Variants in MAOA observed in about 807,000 individuals in gnomAD.
The protein encoded by MAOA is amine oxidase [flavin-containing] A.
In MAOA, 6 loss-of-function variants were observed where a neutral mutation model predicts 42.0. That is an observed-to-expected ratio of 0.14 (90% CI 0.08 to 0.28). MAOA has a LOEUF of 0.28. Ranked by LOEUF, MAOA falls within the 10% of genes least tolerant of loss-of-function variation. The pLI, the probability that MAOA is intolerant of heterozygous loss-of-function variation, is 1.00. For synonymous variants in MAOA, 140 were observed against 154.0 expected (o/e 0.91, Z 0.67); for missense variants, 262 against 422.3 (o/e 0.62, Z 3.33).
At chrX:43,733,015 C>T (rs1343678092) in intron 9 of MAOA, among the ~76,000 whole-genome samples, 1 of 112,076 alleles carries the variant, frequency 8.9e-6, no homozygotes, top group Non-Finnish European at 1.9e-5. Context: ...TGAACTTGTA[C>T]CCATGTATGT....
At chrX:43,706,918 T>C (rs1424787644) in intron 3 of MAOA, among the ~76,000 whole-genome samples, 2 of 111,945 alleles carry the variant, frequency 1.8e-5, no homozygotes, top group African/African-American at 6.5e-5. Context: ...CAGGCGCCCA[T>C]TGCATTGGTA....
intron 1 of MAOA, among the ~76,000 whole-genome samples, chrX:43,680,563 A>G (rs766602401): frequency 9.1e-6 from 1 of 109,334 alleles, no homozygotes; most frequent in South Asian, 4.0e-4. Context: ...ATCCCCTCCC[A>G]TTCCCTCTCC....
intron 9 of MAOA, among the ~76,000 whole-genome samples, chrX:43,733,479 C>CT (rs1306436623): frequency 1.8e-5 from 2 of 111,676 alleles, no homozygotes; most frequent in East Asian, 5.6e-4. Flanking sequence ...TCGTTGGGGG[C>CT]TGGGGAGTCC....
At chrX:43,719,099 G>A (rs1044619359) in intron 5 of MAOA, among the ~76,000 whole-genome samples, 9 of 111,132 alleles carry the variant, frequency 8.1e-5, no homozygotes, top group Non-Finnish European at 1.5e-4. Context: ...GACCCAAAGG[G>A]GAAAGGGGGA....
chrX:43,723,789 T>A (rs916806017), intron 5 of MAOA, among the ~76,000 whole-genome samples: 2 of 111,772 alleles, frequency 1.8e-5, no homozygotes, highest in Non-Finnish European at 3.8e-5. Flanking sequence ...CAGTTTTTGC[T>A]CATTCAGTAT....
chrX:43,715,234 G>A (rs1486834017), intron 5 of MAOA, among the ~76,000 whole-genome samples: 2 of 110,162 alleles, frequency 1.8e-5, no homozygotes. Flanking sequence ...ACTGGCAGTG[G>A]TAGGGGGGAG....
At chrX:43,658,024 T>C (rs1174568289) in intron 1 of MAOA, 3 of 577,612 alleles carry the variant, frequency 5.2e-6, no homozygotes, top group African/African-American at 5.0e-5. Context: ...TGTATTTATT[T>C]ATTCATTCAA....
intron 3 of MAOA, among the ~76,000 whole-genome samples, chrX:43,694,671 G>T (rs1332814366): frequency 8.9e-6 from 1 of 111,974 alleles, no homozygotes; most frequent in East Asian, 2.8e-4. Flanking sequence ...TTTCTGCACT[G>T]CACAGTGTTT....
intron 1 of MAOA, among the ~76,000 whole-genome samples, chrX:43,670,711 C>T (rs1311844232): frequency 9.6e-6 from 1 of 104,240 alleles, no homozygotes; most frequent in Non-Finnish European, 1.9e-5. Flanking sequence ...GGTTTTTTGT[C>T]CTTGCGATAG....
Position 43,744,565 on chromosome X carries a change from A to T in MAOA, c.*52A>T, listed in dbSNP as rs760850994. On this transcript the variant is annotated 3_prime_UTR_variant, in exon 15 of 15. Transcript: ENST00000338702. ...CTGGTTTTCAATACCACCAAGAGGA[A>T]AATATTGACAAGTTTAAAGGCTGTG... 1 of 1,160,229 alleles carries T rather than the reference A, an allele frequency of 8.6e-7. No individual in the cohort carries two copies. Among genetic ancestry groups the T allele is most frequent in the Non-Finnish European group, 1.2e-6 (1 of 849,035 alleles).
At chrX:43,657,225 TTATATATATA>T (rs748163326) in intron 1 of MAOA, among the ~76,000 whole-genome samples, 3 of 71,538 alleles carry the variant, frequency 4.2e-5, no homozygotes, top group Non-Finnish European at 7.2e-5. Context: ...TGAACTGTGT[TTATATATATA>T]TATGAACTGT....
chrX:43,719,045 G>T (rs1225407007), intron 5 of MAOA, among the ~76,000 whole-genome samples: 2 of 110,484 alleles, frequency 1.8e-5, no homozygotes, highest in East Asian at 5.7e-4. Context: ...GTGGTGCCTG[G>T]GGGGACACAG....
chrX:43,740,221 T>C (rs1185903102), intron 10 of MAOA, among the ~76,000 whole-genome samples: 1 of 112,006 alleles, frequency 8.9e-6, no homozygotes, highest in Non-Finnish European at 1.9e-5. Flanking sequence ...GAGCTTTATA[T>C]GTTTGTAGGT....
intron 3 of MAOA, among the ~76,000 whole-genome samples, chrX:43,700,183 C>A (rs2033611653): frequency 8.9e-6 from 1 of 112,003 alleles, no homozygotes; most frequent in Non-Finnish European, 1.9e-5. Context: ...ACTTGAGCTT[C>A]CCAATGGTCC....
chrX:43,687,879 G>A (rs1479410156), intron 2 of MAOA, among the ~76,000 whole-genome samples: 3 of 112,601 alleles, frequency 2.7e-5, no homozygotes, highest in African/African-American at 3.2e-5. Context: ...AGAATTCAAC[G>A]CTTCCCACCA....
At position 43,684,241 on chromosome X, in the gene MAOA, G is replaced by A. The variant is rs186302269; in HGVS notation, c.168+634G>A. Reference sequence around the variant, plus strand: ...TACATCGCTGCTTTTTTTATACTTCGGCTTACATCACCATTCTGGAAAAAA... The same window carrying A: ...TACATCGCTGCTTTTTTTATACTTCAGCTTACATCACCATTCTGGAAAAAA... On this transcript the variant is annotated intron_variant, in intron 2 of 14. Transcript: ENST00000338702. Among the ~76,000 whole-genome samples, 144 of 111,094 alleles carry A rather than the reference G, an allele frequency of 1.3e-3. 1 individual carries two copies. The highest frequency in any genetic ancestry group is 1.1e-3 in the Non-Finnish European group (57 of 53,083).
intron 3 of MAOA, among the ~76,000 whole-genome samples, chrX:43,702,770 A>G (rs777911040): frequency 1.8e-5 from 2 of 112,322 alleles, no homozygotes; most frequent in South Asian, 3.7e-4. Context: ...GTAAGACTCA[A>G]ATGATACACA....
intron 1 of MAOA, among the ~76,000 whole-genome samples, chrX:43,660,266 C>T (rs781114720): frequency 9.0e-6 from 1 of 111,586 alleles, no homozygotes; most frequent in East Asian, 2.8e-4. Context: ...CTGAAGCTAC[C>T]TGGTTATGAC....
At chrX:43,692,000 G>GACACACACACAC (rs753022851) in intron 2 of MAOA, among the ~76,000 whole-genome samples, 758 of 64,998 alleles carry the variant, frequency 0.012, 10 homozygotes, top group African/African-American at 0.043. Flanking sequence ...GCACTGTATA[G>GACACACACACAC]ACACACACAC....
Sources: gnomAD v4.1 joint callset for allele counts (sites outside exome capture counted in the v4.1 genomes callset) on GRCh38, gnomAD v4.1.1 for gene constraint, MANE v1.5 for transcripts, NCBI Gene and HGNC (gene_info 2026-07-23, HGNC 2026-07-21) for gene names.